Variants in TDRD12 observed in about 807,000 individuals in gnomAD.
TDRD12 encodes putative ATP-dependent RNA helicase TDRD12.
TDRD12 carries 158 observed loss-of-function variants against 133.5 expected under a neutral mutation model. The ratio of observed to expected loss-of-function variants is 1.18; its 90% CI spans 1.04 to 1.35. The LOEUF (loss-of-function observed/expected upper bound fraction) is 1.35. TDRD12 is among the 40% of genes most tolerant of loss of function. The pLI, the probability that TDRD12 is intolerant of heterozygous loss-of-function variation, is 0.00. For missense variants in TDRD12, 1,443 were observed against 1,321.3 expected, an observed-to-expected ratio of 1.09 and a Z score of -1.43; for synonymous variants, 460 against 477.9, an observed-to-expected ratio of 0.96 and a Z score of 0.49.
At chr19:32,785,449 G>A (rs1369361071) in intron 11 of TDRD12, among the ~76,000 whole-genome samples, 1 of 152,174 alleles carries the variant, frequency 6.6e-6, no homozygotes, top group Non-Finnish European at 1.5e-5. Context: ...GATTTGGTGT[G>A]GAGAGTTCTG....
chr19:32,730,754 G>A (rs927490513), intron 1 of TDRD12, among the ~76,000 whole-genome samples: 9 of 152,066 alleles, frequency 5.9e-5, no homozygotes, highest in East Asian at 1.9e-4. Context: ...GGTGGCTCAC[G>A]CCTGTAATCC....
At chr19:32,819,868 A>C (rs1264926472) in intron 27 of TDRD12, among the ~76,000 whole-genome samples, 4 of 152,124 alleles carry the variant, frequency 2.6e-5, no homozygotes, top group African/African-American at 9.7e-5. Context: ...TGCGGTGGAC[A>C]GTGACAGGTG....
At chr19:32,793,098 A>G (rs531423235) in intron 13 of TDRD12, among the ~76,000 whole-genome samples, 1 of 152,102 alleles carries the variant, frequency 6.6e-6, no homozygotes, top group East Asian at 1.9e-4. Flanking sequence ...AGACATGAAA[A>G]TCTCTTGAAC....
chr19:32,777,855 ATATTTTTTTTTTTTTTT>A (rs1970650824), intron 11 of TDRD12, among the ~76,000 whole-genome samples: 4 of 14,296 alleles, frequency 2.8e-4, no homozygotes, highest in Non-Finnish European at 3.4e-4. Flanking sequence ...ATATATATAT[ATATTTTTTTTTTTTTTT>A]TTTTTTTTTT....
chr19:32,729,593 A>T (rs1462230584), intron 1 of TDRD12, among the ~76,000 whole-genome samples: 1 of 151,090 alleles, frequency 6.6e-6, no homozygotes, highest in Non-Finnish European at 1.5e-5. Context: ...TACATGTATA[A>T]ATAGATACAT....
chr19:32,813,599 G>C, intron 24 of TDRD12, 85 bp from the exon 25 acceptor site: 1 of 718,792 alleles, frequency 1.4e-6, no homozygotes, highest in Admixed American at 2.5e-5. Flanking sequence ...GAAATGCATG[G>C]AATATTTTGC....
In TDRD12 at chr19:32,819,785, A is replaced by G. The variant is rs143419595; in HGVS notation, c.3384-1248A>G. Reference sequence around the variant, plus strand: ...TGTGACCCGCAGATCTGGAAGCCACAGGACTTGGCGGTTGGCAGATGTTAG... The same window carrying G: ...TGTGACCCGCAGATCTGGAAGCCACGGGACTTGGCGGTTGGCAGATGTTAG... On this transcript the variant is annotated intron_variant, in intron 27 of 27. Transcript: ENST00000444215. 4.7e-3 allele frequency among the ~76,000 whole-genome samples: 710 copies of G among 152,324 alleles called. 5 individuals carry two copies. Among genetic ancestry groups the G allele is most frequent in the African/African-American group, 0.013 (552 of 41,570 alleles).
At position 32,811,266 on chromosome 19, in the gene TDRD12, T is replaced by C. The variant is rs529872095; in HGVS notation, c.2894T>C (p.Leu965Pro). 1.4e-5 allele frequency: 22 copies of C among 1,536,092 alleles called. No homozygotes were observed. In the African/African-American group the frequency reaches 2.7e-4, roughly 19 times the overall value. The change falls in exon 24 of 28, where the codon CTT (leucine) becomes CCT (proline). Residue 965 changes from leucine (L) to proline (P), a missense_variant. Transcript: ENST00000444215. ...GACGCCTGGGCCCTGGATGACATCC[T>C]TGTAGAGTTCATCGATGAAGGCAGG...
At chr19:32,764,161 A>G (rs1306504011) in intron 8 of TDRD12, among the ~76,000 whole-genome samples, 1 of 115,014 alleles carries the variant, frequency 8.7e-6, no homozygotes, top group Non-Finnish European at 1.6e-5. Flanking sequence ...CCCAGGCTGG[A>G]GTGCAGTGGC....
intron 21 of TDRD12, among the ~76,000 whole-genome samples, chr19:32,804,691 CA>C (rs34907310): frequency 0.15 from 18,390 of 120,984 alleles, 1,117 homozygotes; most frequent in Middle Eastern, 0.21. Flanking sequence ...GATTCTGTCT[CA>C]AAAAAAAAAA....
chr19:32,794,502 G>A (rs1290710786), intron 13 of TDRD12, 126 bp from the exon 14 acceptor site: 1 of 604,948 alleles, frequency 1.7e-6, no homozygotes, highest in East Asian at 2.7e-5. Context: ...AACTTAACAA[G>A]TTAGGGCTTG....
At chr19:32,797,204 C>T (rs1444460176) in intron 14 of TDRD12, among the ~76,000 whole-genome samples, 1 of 152,128 alleles carries the variant, frequency 6.6e-6, no homozygotes, top group Non-Finnish European at 1.5e-5. Context: ...TGGTCTCACA[C>T]TCCTGACCTC....
At chr19:32,763,636 G>T (rs1970212940) in intron 8 of TDRD12, among the ~76,000 whole-genome samples, 1 of 152,174 alleles carries the variant, frequency 6.6e-6, no homozygotes, top group Non-Finnish European at 1.5e-5. Flanking sequence ...CGAAGCACGA[G>T]ATTTTCCTGT....
At chr19:32,727,681 C>A (rs1968903323) in intron 1 of TDRD12, among the ~76,000 whole-genome samples, 1 of 151,736 alleles carries the variant, frequency 6.6e-6, no homozygotes, top group African/African-American at 2.4e-5. Context: ...TTTTTATTTT[C>A]TTTTTGAGAC....
At chr19:32,776,263 GA>G (rs1970581613) in intron 10 of TDRD12, among the ~76,000 whole-genome samples, 1 of 152,196 alleles carries the variant, frequency 6.6e-6, no homozygotes, top group East Asian at 1.9e-4. Context: ...AAGTAAGGGA[GA>G]AAAAAGGTGG....
intron 13 of TDRD12, among the ~76,000 whole-genome samples, chr19:32,791,730 G>T (rs1429959808): frequency 1.3e-5 from 2 of 151,936 alleles, no homozygotes; most frequent in Non-Finnish European, 2.9e-5. Context: ...GGCTCTTTTT[G>T]GAGAAATTTG....
At chr19:32,796,981 CTTT>C (rs1157185010) in intron 14 of TDRD12, among the ~76,000 whole-genome samples, 3 of 135,286 alleles carry the variant, frequency 2.2e-5, no homozygotes, top group Non-Finnish European at 3.2e-5. Context: ...AGAGGTTCGT[CTTT>C]TTTTTTTTTT....
chr19:32,806,012 G>A (rs938233382), intron 21 of TDRD12, among the ~76,000 whole-genome samples: 1 of 151,780 alleles, frequency 6.6e-6, no homozygotes, highest in Admixed American at 6.6e-5. Flanking sequence ...GATTACAGGC[G>A]TGAGCCACCG....
downstream of TDRD12, chr19:32,826,214 C>A: frequency 6.6e-7 from 1 of 1,506,076 alleles, no homozygotes; most frequent in South Asian, 1.3e-5. Context: ...TTAATAAGAT[C>A]AATGAATGCG....
Sources: gnomAD v4.1 joint callset for allele counts (sites outside exome capture counted in the v4.1 genomes callset) on GRCh38, gnomAD v4.1.1 for gene constraint, MANE v1.5 for transcripts, NCBI Gene and HGNC (gene_info 2026-07-23, HGNC 2026-07-21) for gene names.